Variants in CEP112 observed in about 807,000 individuals in gnomAD.
CEP112 encodes centrosomal protein of 112 kDa.
A neutral mutation model predicts 153.0 loss-of-function variants in CEP112; 127 were observed. The observed-to-expected ratio is 0.83, with a 90% confidence interval of 0.72 to 0.96. CEP112 has a LOEUF of 0.96. Ranked by LOEUF, CEP112 falls within the 40% of genes least tolerant of loss-of-function variation. The pLI is 0.00. For missense variants in CEP112, 1,089 were observed against 1,101.2 expected, an observed-to-expected ratio of 0.99 and a Z score of 0.16; for synonymous variants, 358 against 374.4, an observed-to-expected ratio of 0.96 and a Z score of 0.51.
intron 8 of CEP112, among the ~76,000 whole-genome samples, chr17:66,077,848 G>T (rs1568465274): frequency 6.6e-6 from 1 of 152,162 alleles, no homozygotes; most frequent in Non-Finnish European, 1.5e-5. Flanking sequence ...TGTTTACCCT[G>T]CTGACTGTTC....
intron 23 of CEP112, among the ~76,000 whole-genome samples, chr17:65,733,946 G>A (rs1216841769): frequency 6.6e-6 from 1 of 152,154 alleles, no homozygotes; most frequent in East Asian, 1.9e-4. Context: ...ACTTCTTTGG[G>A]AACAAAACCT....
chr17:65,990,738 A>G (rs1402090349), intron 17 of CEP112, among the ~76,000 whole-genome samples: 2 of 152,224 alleles, frequency 1.3e-5, no homozygotes, highest in African/African-American at 2.4e-5. Flanking sequence ...GGAAGTCCCA[A>G]TGCTGAGCTG....
chr17:66,086,380 C>CTTTTCTTTTTTTTTTT (rs2067931452), intron 8 of CEP112, among the ~76,000 whole-genome samples: 1 of 67,028 alleles, frequency 1.5e-5, no homozygotes, highest in African/African-American at 6.4e-5. Context: ...ATTTTCTTTT[C>CTTTTCTTTTTTTTTTT]TTTTTTTTTT....
At chr17:65,941,769 T>G (rs11079604) in intron 18 of CEP112, among the ~76,000 whole-genome samples, 1 of 151,456 alleles carries the variant, frequency 6.6e-6, no homozygotes, top group Non-Finnish European at 1.5e-5. Context: ...TGTGTTAGGT[T>G]TTTTTTTGTT....
intron 17 of CEP112, among the ~76,000 whole-genome samples, chr17:65,976,122 C>T (rs2063025385): frequency 6.6e-6 from 1 of 152,244 alleles, no homozygotes; most frequent in South Asian, 2.1e-4. Flanking sequence ...GTGTTCAGCC[C>T]CCTGCCTCTC....
intron 23 of CEP112, among the ~76,000 whole-genome samples, chr17:65,722,535 C>CT (rs2049946190): frequency 6.6e-6 from 1 of 152,196 alleles, no homozygotes; most frequent in South Asian, 2.1e-4. Context: ...AGGCGTGACC[C>CT]ACCATGCCTG....
At chr17:65,991,760 T>C (rs1204919307) in intron 17 of CEP112, among the ~76,000 whole-genome samples, 1 of 152,132 alleles carries the variant, frequency 6.6e-6, no homozygotes, top group African/African-American at 2.4e-5. Flanking sequence ...TTTTTTCCAT[T>C]TTAAATATTA....
At chr17:66,118,573 G>A (rs1334683536) in intron 6 of CEP112, among the ~76,000 whole-genome samples, 1 of 152,090 alleles carries the variant, frequency 6.6e-6, no homozygotes. Context: ...GGGGTAGTGG[G>A]GAGTGAGGGT....
In CEP112 at chr17:65,710,507, G is replaced by A. The variant is rs544198323; in HGVS notation, c.2608-21289C>T. On this transcript the variant is annotated intron_variant, in intron 23 of 26. Coordinates refer to ENST00000535342, the MANE Select transcript of CEP112 (RefSeq NM_001199165.4). Reference sequence around the variant, plus strand: ...TGTATGCGTGTAAGACAGCAAGGAAGTAATAAAGTCAACAAATATTTCATT... The same window carrying A: ...TGTATGCGTGTAAGACAGCAAGGAAATAATAAAGTCAACAAATATTTCATT... 1.2e-4 allele frequency among the ~76,000 whole-genome samples: 19 copies of A among 152,318 alleles called. No homozygotes were observed. The East Asian group carries it at 3.1e-3, about 25-fold the overall frequency.
At chr17:65,933,637 T>C (rs190098272) in intron 18 of CEP112, among the ~76,000 whole-genome samples, 1 of 152,178 alleles carries the variant, frequency 6.6e-6, no homozygotes, top group East Asian at 1.9e-4. Flanking sequence ...CACCTCCATC[T>C]TCCCCCGAAA....
intron 24 of CEP112, among the ~76,000 whole-genome samples, chr17:65,669,355 C>G (rs2046852377): frequency 6.6e-6 from 1 of 152,152 alleles, no homozygotes; most frequent in Non-Finnish European, 1.5e-5. Flanking sequence ...GACTGAGAAG[C>G]ATGTGTTACC....
chr17:66,022,925 AG>A (rs1463577870), intron 16 of CEP112, among the ~76,000 whole-genome samples: 3 of 152,082 alleles, frequency 2.0e-5, no homozygotes, highest in Non-Finnish European at 2.9e-5. Context: ...TACAGTTGAA[AG>A]CTTCAACAAT....
At chr17:66,134,116 TAAG>T (rs536992395) in intron 4 of CEP112, among the ~76,000 whole-genome samples, 154 of 152,302 alleles carry the variant, frequency 1.0e-3, no homozygotes, top group African/African-American at 3.6e-3. Flanking sequence ...GGCGTATTCT[TAAG>T]AATAGATTAA....
chr17:65,901,981 A>C (rs1476555684), intron 20 of CEP112, among the ~76,000 whole-genome samples, 171 bp downstream of exon 20: 3 of 9,842 alleles, frequency 3.0e-4, no homozygotes, highest in African/African-American at 1.4e-3. Context: ...TTCATCCCAA[A>C]ACGGGGGGGG....
chr17:66,106,860 A>C (rs1462600124), intron 6 of CEP112, among the ~76,000 whole-genome samples: 1 of 152,136 alleles, frequency 6.6e-6, no homozygotes, highest in Non-Finnish European at 1.5e-5. Flanking sequence ...CTACAGGCCA[A>C]TATGACTGAT....
intron 11 of CEP112, among the ~76,000 whole-genome samples, chr17:66,060,268 C>T (rs7219329): frequency 0.14 from 21,109 of 151,942 alleles, 2,262 homozygotes; most frequent in African/African-American, 0.28. Context: ...GCACATCTAC[C>T]CTCTGAATCT....
chr17:66,083,197 T>G (rs1015936423), intron 8 of CEP112, among the ~76,000 whole-genome samples: 1 of 152,170 alleles, frequency 6.6e-6, no homozygotes, highest in African/African-American at 2.4e-5. Flanking sequence ...CCTCGTGCTG[T>G]TCTCATGATA....
chr17:65,737,774 T>C (rs1361802325), intron 23 of CEP112, among the ~76,000 whole-genome samples: 5 of 152,252 alleles, frequency 3.3e-5, no homozygotes, highest in African/African-American at 1.2e-4. Flanking sequence ...TATTGAATAC[T>C]GAACATGTAG....
rs188010283 is a variant in CEP112, at chr17:65,978,753, C to T, written c.1737-17155G>A. 8.5e-5 allele frequency among the ~76,000 whole-genome samples: 13 copies of T among 152,236 alleles called. No individual in the cohort carries two copies. The East Asian group carries it at 2.5e-3, about 29-fold the overall frequency. On this transcript the variant is annotated intron_variant, in intron 17 of 26. Coordinates refer to ENST00000535342, the MANE Select transcript of CEP112 (RefSeq NM_001199165.4). ...AAAATGGGTTTTGCAAACTCAATTC[C>T]TAAGGAAAGCATCCAAGAAATGTAA...
Sources: gnomAD v4.1 joint callset for allele counts (sites outside exome capture counted in the v4.1 genomes callset) on GRCh38, gnomAD v4.1.1 for gene constraint, MANE v1.5 for transcripts, NCBI Gene and HGNC (gene_info 2026-07-23, HGNC 2026-07-21) for gene names.